CYP3A43: variants seen among roughly 807,000 people sequenced by gnomAD.
CYP3A43 encodes cytochrome P450 family 3 subfamily A member 43, also known as cytochrome P450 3A43.
A neutral mutation model predicts 58.0 loss-of-function variants in CYP3A43; 45 were observed. The observed-to-expected ratio is 0.78, with a 90% CI of 0.61 to 0.99. The LOEUF is 0.99. Ranked by LOEUF, CYP3A43 falls within the 50% of genes least tolerant of loss-of-function variation. The pLI, the probability that CYP3A43 is intolerant of heterozygous loss-of-function variation, is 0.00. For missense variants in CYP3A43, 593 were observed against 591.9 expected, an observed-to-expected ratio of 1.00 and a Z score of -0.02; for synonymous variants, 191 against 201.4, an observed-to-expected ratio of 0.95 and a Z score of 0.44.
At chr7:99,842,025 C>T (rs923573768) in intron 3 of CYP3A43, among the ~76,000 whole-genome samples, 3 of 152,120 alleles carry the variant, frequency 2.0e-5, no homozygotes, top group Non-Finnish European at 2.9e-5. Flanking sequence ...ATAGTGGGAG[C>T]CTTTGAATTA....
chr7:99,840,815 C>T (rs1385628100), intron 3 of CYP3A43, among the ~76,000 whole-genome samples: 2 of 152,118 alleles, frequency 1.3e-5, no homozygotes, highest in African/African-American at 4.8e-5. Flanking sequence ...TGGTTAACAC[C>T]TTGGTAACCA....
chr7:99,843,940 G>T (rs557541274), intron 3 of CYP3A43, among the ~76,000 whole-genome samples: 3 of 152,266 alleles, frequency 2.0e-5, no homozygotes, highest in South Asian at 4.2e-4. Context: ...ACCCTTCGTT[G>T]TATGAAGGCT....
intron 3 of CYP3A43, among the ~76,000 whole-genome samples, chr7:99,841,807 C>T (rs1480902022): frequency 6.6e-6 from 1 of 152,118 alleles, no homozygotes; most frequent in Admixed American, 6.5e-5. Flanking sequence ...GCCACCTCAG[C>T]CTCCCAACTT....
At position 99,844,125 on chromosome 7, in the gene CYP3A43, C is replaced by G. The variant is rs757580967; in HGVS notation, c.219-18C>G. ...TCAGGCAAGCGAGGTTTAGTCAGCT[C>G]TGTTTTCCCCCACACAGGCTGTATG... On this transcript the variant is annotated intron_variant, in intron 3 of 12. Coordinates refer to ENST00000354829, the MANE Select transcript of CYP3A43 (RefSeq NM_057095.3). The G allele has an allele frequency of 1.9e-5, 30 of 1,601,652 alleles. No individual in the cohort carries two copies. The highest frequency in any genetic ancestry group is 2.4e-5 in the Non-Finnish European group (28 of 1,174,046).
intron 9 of CYP3A43, among the ~76,000 whole-genome samples, chr7:99,859,068 G>A (rs914728571): frequency 2.0e-5 from 3 of 152,048 alleles, no homozygotes; most frequent in Admixed American, 6.6e-5. Context: ...TGTAGCTTTC[G>A]TATATCCAGA....
chr7:99,848,231 C>T lies in CYP3A43; in HGVS notation c.498C>T (p.Asn166=), dbSNP rs1817613557. The T allele has an allele frequency of 6.2e-7, 1 of 1,614,118 alleles. No homozygotes were observed. The highest frequency in any genetic ancestry group is 1.7e-5 in the Admixed American group (1 of 60,026). Reference sequence around the variant, plus strand: ...GAAGCCTGAGGCAGGAAGCAGAGAACAGCAAGTCCATCAACTTGAAAGAGT... The same window carrying T: ...GAAGCCTGAGGCAGGAAGCAGAGAATAGCAAGTCCATCAACTTGAAAGAGT... ...LVRSLRQEAE[N]SKSINLKDFF... Residue 166 remains asparagine (N), a synonymous_variant, in exon 6 of 13, where the codon AAC becomes AAT. Coordinates refer to ENST00000354829, the MANE Select transcript of CYP3A43 (RefSeq NM_057095.3).
intron 3 of CYP3A43, among the ~76,000 whole-genome samples, 156 bp from the exon 4 acceptor site, chr7:99,843,987 A>T (rs981423023): frequency 6.6e-6 from 1 of 152,204 alleles, no homozygotes; most frequent in African/African-American, 2.4e-5. Context: ...ACTCTGTGTC[A>T]TACCCTAATT....
intron 9 of CYP3A43, among the ~76,000 whole-genome samples, chr7:99,857,523 T>C (rs1297696972): frequency 4.6e-5 from 7 of 152,180 alleles, no homozygotes; most frequent in Admixed American, 4.6e-4. Flanking sequence ...GACATAATTG[T>C]GAATATTAAC....
In CYP3A43 at chr7:99,866,045, A is replaced by C; in HGVS notation, c.*44A>C. The C allele has an allele frequency of 7.9e-7, 1 of 1,258,002 alleles. No individual in the cohort carries two copies. 77.9% of individuals were successfully genotyped at this position (1,258,002 alleles called of 1,614,324 possible). On this transcript the variant is annotated 3_prime_UTR_variant, in exon 13 of 13. Transcript: ENST00000354829. ...ACTTTGTTCAAGAAAGCTGTATCCCAGAACACTAGACACTTCAAATTGTTT... is the reference window on the plus strand; with the variant it reads ...ACTTTGTTCAAGAAAGCTGTATCCCCGAACACTAGACACTTCAAATTGTTT...
intron 3 of CYP3A43, among the ~76,000 whole-genome samples, chr7:99,840,615 C>T (rs932653249): frequency 1.3e-5 from 2 of 152,206 alleles, no homozygotes; most frequent in East Asian, 3.9e-4. Flanking sequence ...TCATTTGCCA[C>T]ACTGCCTACT....
At chr7:99,830,208 A>G (rs1816787784) in intron 1 of CYP3A43, among the ~76,000 whole-genome samples, 1 of 152,154 alleles carries the variant, frequency 6.6e-6, no homozygotes, top group Non-Finnish European at 1.5e-5. Flanking sequence ...CCCCCTCCCT[A>G]TAATCTCATG....
intron 3 of CYP3A43, among the ~76,000 whole-genome samples, chr7:99,839,844 A>G (rs1289089899): frequency 6.6e-6 from 1 of 152,186 alleles, no homozygotes; most frequent in Non-Finnish European, 1.5e-5. Flanking sequence ...TAGCACATAA[A>G]AAACTGGTTA....
At chr7:99,835,066 G>T (rs1297511250) in intron 1 of CYP3A43, among the ~76,000 whole-genome samples, 1 of 152,198 alleles carries the variant, frequency 6.6e-6, no homozygotes, top group African/African-American at 2.4e-5. Flanking sequence ...GAATTGTGGG[G>T]TTGGACACAT....
intron 7 of CYP3A43, among the ~76,000 whole-genome samples, chr7:99,852,029 G>A (rs1817781212): frequency 1.3e-5 from 2 of 152,150 alleles, no homozygotes; most frequent in Non-Finnish European, 2.9e-5. Flanking sequence ...TGGCTATCCA[G>A]TTGTCCTAGG....
chr7:99,848,651 G>C (rs1353335984), intron 6 of CYP3A43, among the ~76,000 whole-genome samples: 1 of 152,146 alleles, frequency 6.6e-6, no homozygotes, highest in African/African-American at 2.4e-5. Context: ...TTACAATGAG[G>C]AAGTTGGAAT....
chr7:99,857,663 C>T (rs1399447102), intron 9 of CYP3A43, among the ~76,000 whole-genome samples: 15 of 151,832 alleles, frequency 9.9e-5, no homozygotes, highest in East Asian at 9.7e-4. Context: ...GCCAACATGG[C>T]GAAACCCTGT....
At chr7:99,835,066 G>A (rs1297511250) in intron 1 of CYP3A43, among the ~76,000 whole-genome samples, 2 of 152,198 alleles carry the variant, frequency 1.3e-5, no homozygotes, top group Non-Finnish European at 2.9e-5. Flanking sequence ...GAATTGTGGG[G>A]TTGGACACAT....
intron 7 of CYP3A43, among the ~76,000 whole-genome samples, chr7:99,851,944 G>A (rs1271940167): frequency 2.0e-5 from 3 of 152,150 alleles, no homozygotes; most frequent in Non-Finnish European, 4.4e-5. Flanking sequence ...TAGCTCTTCT[G>A]TTTAGGTCTT....
intron 1 of CYP3A43, among the ~76,000 whole-genome samples, chr7:99,833,246 C>T (rs1462322335): frequency 6.6e-6 from 1 of 152,088 alleles, no homozygotes; most frequent in East Asian, 1.9e-4. Context: ...TATTTAGGTG[C>T]ACCAGCCCAG....
Sources: gnomAD v4.1 joint callset for allele counts (sites outside exome capture counted in the v4.1 genomes callset) on GRCh38, gnomAD v4.1.1 for gene constraint, MANE v1.5 for transcripts, NCBI Gene and HGNC (gene_info 2026-07-23, HGNC 2026-07-21) for gene names.